The following ASAH2 variants were observed in gnomAD, a reference collection of about 807,000 sequenced individuals.
ASAH2 encodes the protein neutral ceramidase.
ASAH2 carries 58 observed loss-of-function variants against 82.9 expected under a neutral mutation model. The ratio of observed to expected loss-of-function variants is 0.70; its 90% CI spans 0.57 to 0.87. The LOEUF is 0.87. ASAH2 is among the 40% of genes least tolerant of loss of function. ASAH2 has a pLI of 0.00. For synonymous variants in ASAH2, 276 were observed against 289.7 expected (o/e 0.95, Z 0.48); for missense variants, 779 against 834.0 (o/e 0.93, Z 0.81).
At chr10:50,239,977 C>T (rs1162017483) in intron 4 of ASAH2, among the ~76,000 whole-genome samples, 2 of 151,886 alleles carry the variant, frequency 1.3e-5, no homozygotes, top group Non-Finnish European at 2.9e-5. Context: ...CTACAGGCTC[C>T]TTCCAGCATG....
chr10:50,245,720 C>T (rs957478923), intron 2 of ASAH2, among the ~76,000 whole-genome samples: 2 of 152,314 alleles, frequency 1.3e-5, no homozygotes, highest in Non-Finnish European at 1.5e-5. Flanking sequence ...GTCAAACTCA[C>T]TGCCTTCACT....
chr10:50,199,482 A>C (rs1472580893), intron 16 of ASAH2, among the ~76,000 whole-genome samples: 10 of 151,732 alleles, frequency 6.6e-5, no homozygotes, highest in Admixed American at 3.3e-4. Flanking sequence ...ATATATCAGA[A>C]GAAAAATAAA....
At chr10:50,197,714 G>A (rs1251347736) in intron 17 of ASAH2, among the ~76,000 whole-genome samples, 1 of 151,798 alleles carries the variant, frequency 6.6e-6, no homozygotes, top group African/African-American at 2.4e-5. Context: ...TAAGGTGCTT[G>A]ACCAGAAATT....
intron 7 of ASAH2, among the ~76,000 whole-genome samples, chr10:50,225,118 A>C (rs960204144): frequency 6.6e-6 from 1 of 152,220 alleles, no homozygotes; most frequent in Non-Finnish European, 1.5e-5. Context: ...TATTGGAGAA[A>C]TATCTCATTA....
At chr10:50,210,682 G>T in intron 12 of ASAH2, 141 bp downstream of exon 12, 1 of 815,598 alleles carries the variant, frequency 1.2e-6, no homozygotes, top group Non-Finnish European at 2.1e-6. Flanking sequence ...TGCGGTACAT[G>T]GTCATGTACA....
chr10:50,216,275 T>C (rs1342359900), intron 8 of ASAH2, among the ~76,000 whole-genome samples: 1 of 151,066 alleles, frequency 6.6e-6, no homozygotes, highest in Non-Finnish European at 1.5e-5. Flanking sequence ...CTGCATGTTC[T>C]GCACATGTAT....
In ASAH2 at chr10:50,236,027, T is replaced by C. The variant is rs1347498711; in HGVS notation, c.548A>G (p.Tyr183Cys). Residue 183 changes from tyrosine (Y) to cysteine (C), a missense_variant, in exon 5 of 21, where the codon TAC becomes TGC. Around this residue, in one of 3 missense-constraint regions of ASAH2, gnomAD observed 759 missense variants for 755.2 expected, o/e 1.00. Transcript: ENST00000682911. The part of the protein sequence containing the change: ...NRLQSKYGSL[Y>C]RRDNVILSGT... ...ACTCAGGATGACATTATCTCTTCTG[T>C]ACAGGGAGCCATATTTACTCTGCAG... The C allele has an allele frequency of 8.7e-6, 14 of 1,613,236 alleles. No individual in the cohort carries two copies. The highest frequency in any genetic ancestry group is 1.2e-5 in the Non-Finnish European group (14 of 1,179,400).
intron 9 of ASAH2, among the ~76,000 whole-genome samples, chr10:50,213,841 G>T (rs939381693): frequency 9.2e-5 from 14 of 152,034 alleles, no homozygotes; most frequent in Non-Finnish European, 1.9e-4. Flanking sequence ...ATTAATACTG[G>T]TTTAACCCCA....
At chr10:50,250,634 A>G (rs149356259) in intron 1 of ASAH2, among the ~76,000 whole-genome samples, 31 of 152,272 alleles carry the variant, frequency 2.0e-4, no homozygotes, top group African/African-American at 7.5e-4. Flanking sequence ...TTGGTTCTCT[A>G]AGCCTTCCTA....
At chr10:50,243,966 C>T (rs1265307694) in intron 3 of ASAH2, among the ~76,000 whole-genome samples, 3 of 152,136 alleles carry the variant, frequency 2.0e-5, no homozygotes, top group African/African-American at 7.2e-5. Flanking sequence ...CTGCCCATGA[C>T]ATGGGGTGGT....
At chr10:50,224,217 C>T (rs1048763092) in intron 7 of ASAH2, among the ~76,000 whole-genome samples, 1 of 152,020 alleles carries the variant, frequency 6.6e-6, no homozygotes, top group Non-Finnish European at 1.5e-5. Context: ...ATAACTAATA[C>T]ATGTGAGGTG....
intron 17 of ASAH2, chr10:50,198,426 C>T (rs373622526): frequency 2.4e-3 from 369 of 153,142 alleles, no homozygotes; most frequent in Middle Eastern, 0.017. Flanking sequence ...GCAATGTTTT[C>T]ATTCCAAGGC....
chr10:50,241,494 C>T (rs1011155640), intron 4 of ASAH2, among the ~76,000 whole-genome samples: 1 of 151,958 alleles, frequency 6.6e-6, no homozygotes, highest in Non-Finnish European at 1.5e-5. Flanking sequence ...TAGCAAAGTA[C>T]CTTACAAAAA....
rs796103962 is a variant in ASAH2 at position 50,188,934 on chromosome 10, A to C, written c.2153+565T>G. Among the ~76,000 whole-genome samples the C allele has an allele frequency of 4.6e-5, 6 of 129,962 alleles. 1 individual carries two copies. Among genetic ancestry groups the C allele is most frequent in the African/African-American group, 1.8e-4 (6 of 34,134 alleles). The allele number at this position is 129,962 out of a possible 152,430, so 85.3% of individuals were successfully genotyped here. On this transcript the variant is annotated intron_variant, in intron 20 of 20. Coordinates refer to ENST00000682911, the MANE Select transcript of ASAH2 (RefSeq NM_019893.4). ...ATCAAATCTTCAAAATATCTATTCA[A>C]CTCAGGAATTTGGTAGCAAAAGGCA...
At chr10:50,197,623 G>A (rs1845020953) in intron 17 of ASAH2, among the ~76,000 whole-genome samples, 1 of 151,760 alleles carries the variant, frequency 6.6e-6, no homozygotes, top group Admixed American at 6.6e-5. Context: ...GATAGGTTAT[G>A]TATTACCATT....
At position 50,234,701 on chromosome 10, in the gene ASAH2, G is replaced by A. The variant is rs924968631; in HGVS notation, c.688-149C>T. The A allele has an allele frequency of 6.2e-6, 7 of 1,120,736 alleles. No homozygotes were observed. The Admixed American group carries it at 1.0e-4, about 16-fold the overall frequency. The allele number at this position is 1,120,736 out of a possible 1,614,324, so 69.4% of individuals were successfully genotyped here. On this transcript the variant is annotated intron_variant, in intron 5 of 20. Coordinates refer to ENST00000682911, the MANE Select transcript of ASAH2 (RefSeq NM_019893.4). ...GGGATAAAAGCTGGAGAACCACATC[G>A]CTGTTGACAATCTGGAGGTAAACAG...
intron 2 of ASAH2, among the ~76,000 whole-genome samples, 199 bp downstream of exon 2, chr10:50,248,285 A>G (rs1440122185): frequency 6.6e-6 from 1 of 152,242 alleles, no homozygotes; most frequent in Non-Finnish European, 1.5e-5. Flanking sequence ...TCAGCTGGCT[A>G]TTGGGGACAA....
rs1844767791 is a variant in ASAH2, at chr10:50,187,112, TCTCTCTCACACACACACACA to T, written c.*183_*202del. 2.1e-5 allele frequency: 6 copies of T among 280,968 alleles called. No homozygotes were observed. The highest frequency in any genetic ancestry group is 1.0e-4 in the African/African-American group (3 of 29,856). 17.4% of individuals were successfully genotyped at this position (280,968 alleles called of 1,614,324 possible). A position where few individuals can be genotyped will look rare whatever the true frequency, so the allele number is the denominator to read the frequency against. Reference sequence around the variant, plus strand: ...CTCTCTCTCTCTCTCTCTCTCTCTCTCTCTCTCACACACACACACACACACACACACACACACACACACAC... The same window carrying T: ...CTCTCTCTCTCTCTCTCTCTCTCTCTCACACACACACACACACACACACAC... On this transcript the variant is annotated 3_prime_UTR_variant, in exon 21 of 21. Transcript: ENST00000682911.
At chr10:50,208,482 G>A (rs897981835) in intron 12 of ASAH2, among the ~76,000 whole-genome samples, 13 of 151,952 alleles carry the variant, frequency 8.6e-5, no homozygotes, top group African/African-American at 1.9e-4. Flanking sequence ...GGTCAATACA[G>A]CTATCTGTTG....
Sources: gnomAD v4.1 joint callset for allele counts (sites outside exome capture counted in the v4.1 genomes callset) on GRCh38, gnomAD v4.1.1 for gene constraint, gnomAD v4.1.1 regional missense constraint, MANE v1.5 for transcripts, NCBI Gene and HGNC (gene_info 2026-07-23, HGNC 2026-07-21) for gene names.